Variants in TTN observed in about 807,000 individuals in gnomAD.
The protein encoded by TTN is connectin.
In TTN, 1,525 loss-of-function variants were observed where a neutral mutation model predicts 3,223.0. That is an observed-to-expected ratio of 0.47 (90% CI 0.45 to 0.49). TTN has a LOEUF of 0.49. TTN is among the 20% of genes least tolerant of loss of function. The probability of loss-of-function intolerance (pLI) is 0.00; values close to 1 mark genes in which losing one functional copy is unlikely to be tolerated. For missense variants in TTN, 40,786 were observed against 43,424.0 expected, an observed-to-expected ratio of 0.94 and a Z score of 5.40; for synonymous variants, 14,094 against 15,161.0, an observed-to-expected ratio of 0.93 and a Z score of 5.17.
At position 178,751,297 on chromosome 2, in the gene TTN, C is replaced by A. The variant is rs139380508; in HGVS notation, c.11311+1827G>T. The stretch of plus-strand genomic sequence containing the variant: ...TTCTAGCCTCCCTTAAACGTTGCAA[C>A]TTCACTTTGGTCTCCTTGTCCAGGA... On this transcript the variant is annotated intron_variant, in intron 47 of 362. Coordinates refer to ENST00000589042, the MANE Select transcript of TTN (RefSeq NM_001267550.2). 6 of 1,611,150 alleles carry A rather than the reference C, an allele frequency of 3.7e-6. No homozygotes were observed. The Middle Eastern group carries it at 6.6e-4, about 177-fold the overall frequency.
intron 239 of TTN, among the ~76,000 whole-genome samples, chr2:178,630,025 T>G (rs2059602001): frequency 6.6e-6 from 1 of 152,086 alleles, no homozygotes; most frequent in Non-Finnish European, 1.5e-5. Context: ...TTTGCTAAAT[T>G]TTCTTTTGTT....
intron 159 of TTN, among the ~76,000 whole-genome samples, chr2:178,668,462 GGCTCAT>G (rs1440033420): frequency 1.3e-5 from 2 of 152,096 alleles, no homozygotes; most frequent in African/African-American, 4.8e-5. Context: ...CTGGTGTAGT[GGCTCAT>G]GCCTGTAATC....
intron 2 of TTN, among the ~76,000 whole-genome samples, chr2:178,803,181 GT>G (rs944361670): frequency 2.0e-5 from 3 of 152,164 alleles, no homozygotes; most frequent in Non-Finnish European, 4.4e-5. Flanking sequence ...AGTCTATTTT[GT>G]TGTTTATACA....
Position 178,739,986 on chromosome 2 carries a change from G to T in TTN, c.13247C>A (p.Ser4416Tyr). 1 of 1,613,858 alleles carries T rather than the reference G, an allele frequency of 6.2e-7. No homozygotes were observed. The highest frequency in any genetic ancestry group is 2.2e-5 in the East Asian group (1 of 44,866). Reference protein sequence around the residue: ...AVASEQPGLFSEWLRNIEKVE... With the variant: ...AVASEQPGLFYEWLRNIEKVE... Reference sequence around the variant, plus strand: ...CTTTTCAATATTTCTTAGCCACTCAGAGAAAAGACCTGGCTGCTCGCTGGC... The same window carrying T: ...CTTTTCAATATTTCTTAGCCACTCATAGAAAAGACCTGGCTGCTCGCTGGC... The change falls in exon 48 of 363, where the codon TCT becomes TAT. Residue 4416 changes from serine to tyrosine, a missense_variant. Transcript: ENST00000589042.
rs2154250782 is a variant in TTN, at chr2:178,652,508, T to C, written c.39077A>G (p.Lys13026Arg). The C allele has an allele frequency of 1.9e-6, 3 of 1,613,618 alleles. No homozygotes were observed. In the South Asian group the frequency reaches 3.3e-5, roughly 18 times the overall value. ...PEAPKEVVPE[K>R]KVPAAPPKKP... is the part of the protein sequence containing the mutation. ...TTTAGGAGGAGCCGCTGGCACTTTC[T>C]TTTCAGGAACAACTTCTTTCGGAGC... is the stretch of plus-strand genomic sequence containing the variant. The change falls in exon 202 of 363, where the codon AAG becomes AGG. Residue 13026 changes from lysine to arginine, a missense_variant. By Grantham distance (26) the Lys-to-Arg change is conservative. Transcript: ENST00000589042.
Position 178,562,394 on chromosome 2 carries a change from C to G in TTN, c.83738G>C (p.Cys27913Ser), listed in dbSNP as rs1296750287. The change falls in exon 326 of 363, where the codon TGC becomes TCC. Residue 27913 changes from cysteine (C) to serine (S), a missense_variant. By Grantham distance (112) the Cys-to-Ser change is moderately radical. Coordinates refer to ENST00000589042, the MANE Select transcript of TTN (RefSeq NM_001267550.2). ...TGCTTCTAGAGTCTTAACTTGTGTG[C>G]AGGTGCTCCACTTTTCACTCCCTTT... ...QTKGSEKWST[C>S]TQVKTLEATI... 1 of 1,611,360 alleles carries G rather than the reference C, an allele frequency of 6.2e-7. No individual in the cohort carries two copies. Among genetic ancestry groups the G allele is most frequent in the South Asian group, 1.1e-5 (1 of 90,432 alleles).
intron 45 of TTN, among the ~76,000 whole-genome samples, chr2:178,757,032 A>G (rs548016501): frequency 1.3e-5 from 2 of 152,238 alleles, no homozygotes; most frequent in East Asian, 3.9e-4. Flanking sequence ...GCCATGCAGT[A>G]TCTGGTTCCT....
rs1159274489 is a variant in TTN, at chr2:178,561,632, G to A, written c.84500C>T (p.Thr28167Ile). Reference protein sequence around the residue: ...PPGTPKVVHATKSTMLVTWQV... With the variant: ...PPGTPKVVHAIKSTMLVTWQV... ...CCAGGTTACAAGCATGGTAGATTTT[G>A]TGGCATGCACAACTTTAGGAGTACC... Residue 28167 changes from threonine (T) to isoleucine (I), a missense_variant, in exon 326 of 363, where the codon ACA (threonine) becomes ATA (isoleucine). Thr to Ile is a moderately conservative substitution (Grantham distance 89). Coordinates refer to ENST00000589042, the MANE Select transcript of TTN (RefSeq NM_001267550.2). The A allele has an allele frequency of 6.2e-7, 1 of 1,611,786 alleles. No individual in the cohort carries two copies. Among genetic ancestry groups the A allele is most frequent in the Non-Finnish European group, 8.5e-7 (1 of 1,178,904 alleles).
Position 178,775,882 on chromosome 2 carries a change from C to G in TTN, c.5982G>C (p.Ser1994=). The change falls in exon 28 of 363, where the codon TCG becomes TCC. Residue 1994 remains serine (S), a synonymous_variant. Coordinates refer to ENST00000589042, the MANE Select transcript of TTN (RefSeq NM_001267550.2). ...GCTTGAATTTACTGCGCAGCTCTTC[C>G]GACTCTTCAGGCACTTTTTCATGGG... The part of the protein sequence containing the change: ...RITHEKVPEE[S]EELRSKFKRR... 6.2e-7 allele frequency: 1 copy of G among 1,614,100 alleles called. No homozygotes were observed. Among genetic ancestry groups the G allele is most frequent in the Non-Finnish European group, 8.5e-7 (1 of 1,179,994 alleles).
At position 178,554,354 on chromosome 2, in the gene TTN, C is replaced by A. The variant is rs1424247467; in HGVS notation, c.88894+99G>T. 1.3e-5 allele frequency: 18 copies of A among 1,432,834 alleles called. No individual in the cohort carries two copies. In the East Asian group the frequency reaches 4.0e-4, roughly 32 times the overall value. 88.8% of individuals were successfully genotyped at this position (1,432,834 alleles called of 1,614,324 possible). On this transcript the variant is annotated intron_variant, in intron 332 of 362. Coordinates refer to ENST00000589042, the MANE Select transcript of TTN (RefSeq NM_001267550.2). ...CCTTGTGAAAAGGATGGTAATGAGA[C>A]AGGTGTTATATAAAAGAAAATTAAA...
intron 11 of TTN, among the ~76,000 whole-genome samples, chr2:178,790,452 T>C (rs1458664144): frequency 6.6e-6 from 1 of 152,236 alleles, no homozygotes; most frequent in Non-Finnish European, 1.5e-5. Context: ...TGAATTGACT[T>C]GTTTACGGAC....
Position 178,605,040 on chromosome 2 carries a change from G to C in TTN, c.54137C>G (p.Thr18046Ser). The change falls in exon 280 of 363, where the codon ACT becomes AGT. Residue 18046 changes from threonine (T) to serine (S), a missense_variant. Thr to Ser is a moderately conservative substitution (Grantham distance 58). Coordinates refer to ENST00000589042, the MANE Select transcript of TTN (RefSeq NM_001267550.2). ...VREDKGTYTV[T>S]ASNRLGSVFR... ...CACTGAGCCAAGGCGATTGGAAGCA[G>C]TAACTGTGTAAGTGCCTTTGTCCTC... 3 of 1,610,470 alleles carry C rather than the reference G, an allele frequency of 1.9e-6. No individual in the cohort carries two copies. Among genetic ancestry groups the C allele is most frequent in the South Asian group, 1.1e-5 (1 of 90,764 alleles).
At position 178,711,144 on chromosome 2, in the gene TTN, G is replaced by A. The variant is rs771195179; in HGVS notation, c.28092C>T (p.Asp9364=). The A allele has an allele frequency of 6.2e-7, 1 of 1,613,732 alleles. No individual in the cohort carries two copies. Among genetic ancestry groups the A allele is most frequent in the African/African-American group, 1.3e-5 (1 of 74,920 alleles). ...NTATLNIFKT[D]RSLAGQYSCT... is the part of the protein sequence containing the mutation. Reference sequence around the variant, plus strand: ...AGGAATACTGGCCTGCAAGGCTCCGGTCAGTTTTAAAAATATTGAGTGTGG... The same window carrying A: ...AGGAATACTGGCCTGCAAGGCTCCGATCAGTTTTAAAAATATTGAGTGTGG... The change falls in exon 97 of 363, where the codon GAC becomes GAT. Residue 9364 remains aspartate (D), a synonymous_variant. Coordinates refer to ENST00000589042, the MANE Select transcript of TTN (RefSeq NM_001267550.2).
rs765816174 is a variant in TTN at position 178,554,458 on chromosome 2, G to T, written c.88889C>A (p.Ala29630Glu). 1 of 1,612,634 alleles carries T rather than the reference G, an allele frequency of 6.2e-7. No homozygotes were observed. Among genetic ancestry groups the T allele is most frequent in the Non-Finnish European group, 8.5e-7 (1 of 1,179,342 alleles). ...CTAATGAAATCATGTCTCACCAAATGCGTTCTTGGCTACAACGGAATCAGA... is the reference window on the plus strand; with the variant it reads ...CTAATGAAATCATGTCTCACCAAATTCGTTCTTGGCTACAACGGAATCAGA... The part of the protein sequence containing the change: ...LESDSVVAKN[A>E]FVTPGPPGIP... Residue 29630 changes from alanine (A) to glutamate (E), a missense_variant, in exon 332 of 363, where the codon GCA becomes GAA. Coordinates refer to ENST00000589042, the MANE Select transcript of TTN (RefSeq NM_001267550.2).
chr2:178,582,297 A>G lies in TTN; in HGVS notation c.66159T>C (p.Tyr22053=), dbSNP rs760885240. The G allele has an allele frequency of 2.5e-6, 4 of 1,585,062 alleles. No homozygotes were observed. Among genetic ancestry groups the G allele is most frequent in the Non-Finnish European group, 3.4e-6 (4 of 1,169,598 alleles). The change falls in exon 314 of 363, where the codon TAT becomes TAC. Residue 22053 remains tyrosine (Y), a splice_region_variant and synonymous_variant. Transcript: ENST00000589042. ...FTEPAIAKNP[Y]DPPGRCDPPV... ...AAAACCACCGGGAAATGTTCCTACC[A>G]TATGGGTTTTTGGCAATTGCTGGTT... is the stretch of plus-strand genomic sequence containing the variant.
In TTN at chr2:178,577,686, A is replaced by G; in HGVS notation, c.68740T>C (p.Phe22914Leu). 6.2e-7 allele frequency: 1 copy of G among 1,613,292 alleles called. No homozygotes were observed. Among genetic ancestry groups the G allele is most frequent in the South Asian group, 1.1e-5 (1 of 91,046 alleles). ...GCTGTATTCTTTGCTCTAATTCTGA[A>G]TTCATATTTTCCACCCTCAACAAGG... The part of the protein sequence containing the change: ...TDLVEGGKYE[F>L]RIRAKNTAGA... Residue 22914 changes from phenylalanine to leucine, a missense_variant, in exon 323 of 363, where the codon TTC (phenylalanine) becomes CTC (leucine). By Grantham distance (22) the Phe-to-Leu change is conservative. Transcript: ENST00000589042.
chr2:178,614,119 A>G lies in TTN; in HGVS notation c.49278T>C (p.Ala16426=), dbSNP rs372633280. 96 of 1,612,368 alleles carry G rather than the reference A, an allele frequency of 6.0e-5. 1 individual carries two copies. Among genetic ancestry groups the G allele is most frequent in the Admixed American group, 1.3e-4 (8 of 59,862 alleles). Residue 16426 remains alanine (A), a synonymous_variant, in exon 262 of 363, where the codon GCT becomes GCC. Transcript: ENST00000589042. ...CACCAACACCATACATGTTTTCTGC[A>G]GCAACTCTGAAGATGTACTCTTTAT... is the stretch of plus-strand genomic sequence containing the variant. ...IPNKEYIFRV[A]AENMYGVGEP...
Position 178,632,410 on chromosome 2 carries a change from A to T in TTN, c.43484T>A (p.Ile14495Asn). ...HTSGKLIIEG[I>N]RLKFLTPLKD... ...GAGAGGGGTGAGGAATTTGAGCCGG[A>T]TTCCTATCAAGAAAAAAAAGAAAGA... Residue 14495 changes from isoleucine to asparagine, a missense_variant, in exon 236 of 363, where the codon ATC (isoleucine) becomes AAC (asparagine). Transcript: ENST00000589042. The T allele has an allele frequency of 6.3e-7, 1 of 1,578,988 alleles. No individual in the cohort carries two copies. The highest frequency in any genetic ancestry group is 8.6e-7 in the Non-Finnish European group (1 of 1,166,486).
At chr2:178,791,505 A>G (rs1169003133) in intron 10 of TTN, among the ~76,000 whole-genome samples, 1 of 152,198 alleles carries the variant, frequency 6.6e-6, no homozygotes, top group Admixed American at 6.5e-5. Context: ...ACACAGCTCT[A>G]CGGCACAACA....
Sources: gnomAD v4.1 joint callset for allele counts (sites outside exome capture counted in the v4.1 genomes callset) on GRCh38, gnomAD v4.1.1 for gene constraint, MANE v1.5 for transcripts, NCBI Gene and HGNC (gene_info 2026-07-23, HGNC 2026-07-21) for gene names.